Variants in AK1 observed in about 807,000 individuals in gnomAD.
AK1 encodes the protein adenylate kinase isoenzyme 1.
A neutral mutation model predicts 23.9 loss-of-function variants in AK1; 13 were observed. The ratio of observed to expected loss-of-function variants is 0.54; its 90% CI spans 0.35 to 0.86. AK1 has a LOEUF of 0.86. Among genes scored for constraint, AK1 ranks in the 40% least tolerant of loss-of-function variants. The pLI, the probability that AK1 is intolerant of heterozygous loss-of-function variation, is 0.01. For synonymous variants in AK1, 97 were observed against 102.8 expected, an observed-to-expected ratio of 0.94 and a Z score of 0.34; for missense variants, 214 against 255.1, an observed-to-expected ratio of 0.84 and a Z score of 1.10.
chr9:127,876,709 C>T (rs371085766), intron 1 of AK1, among the ~76,000 whole-genome samples: 3 of 151,208 alleles, frequency 2.0e-5, no homozygotes, highest in East Asian at 3.9e-4. Flanking sequence ...CCTGATGGCA[C>T]CTGCCACTTC....
Position 127,867,874 on chromosome 9 carries a change from T to C in AK1, c.*134A>G. On this transcript the variant is annotated 3_prime_UTR_variant, in exon 7 of 7. Transcript: ENST00000644144. ...AATTCCTTTAGTGCTCAGCTGTCCA[T>C]GAAAACAGGATAAGCGGCTTCCTCC... 1 of 846,066 alleles carries C rather than the reference T, an allele frequency of 1.2e-6. No individual in the cohort carries two copies. The highest frequency in any genetic ancestry group is 1.4e-5 in the South Asian group (1 of 69,198). The allele number at this position is 846,066 out of a possible 1,614,324, so 52.4% of individuals were successfully genotyped here. A position where few individuals can be genotyped will look rare whatever the true frequency, so the allele number is the denominator to read the frequency against.
chr9:127,876,604 C>T (rs1035444138), intron 1 of AK1, among the ~76,000 whole-genome samples: 1 of 152,154 alleles, frequency 6.6e-6, no homozygotes, highest in Non-Finnish European at 1.5e-5. Flanking sequence ...GGAGGGGGAG[C>T]GTCCTGGGCC....
chr9:127,879,043 C>T (rs546885394), upstream of AK1, among the ~76,000 whole-genome samples: 4 of 147,268 alleles, frequency 2.7e-5, no homozygotes, highest in Admixed American at 6.9e-5. Context: ...GGAAACATAA[C>T]GAGATCCCGT....
At chr9:127,874,716 C>CA in intron 1 of AK1, 67 bp from the exon 2 acceptor site, 1 of 1,505,388 alleles carries the variant, frequency 6.6e-7, no homozygotes, top group Non-Finnish European at 9.2e-7. Flanking sequence ...TCCACTAAGC[C>CA]ACACCCAAGG....
At chr9:127,873,964 G>A (rs1023517748) in intron 2 of AK1, 2 of 985,430 alleles carry the variant, frequency 2.0e-6, no homozygotes, top group Non-Finnish European at 2.4e-6. Flanking sequence ...CTGTCAAGAA[G>A]GGCTCCTCCT....
intron 5 of AK1, among the ~76,000 whole-genome samples, chr9:127,870,699 C>T (rs1421754962): frequency 2.0e-5 from 3 of 152,152 alleles, no homozygotes; most frequent in Non-Finnish European, 4.4e-5. Context: ...AGACACTTTC[C>T]TGAGGTCTTG....
chr9:127,873,301 C>T, intron 2 of AK1: 2 of 1,534,804 alleles, frequency 1.3e-6, no homozygotes, highest in South Asian at 2.4e-5. Context: ...AGGCAAAAGC[C>T]TAAAGGCTAA....
In AK1 at chr9:127,867,973, C is replaced by CG. The variant is rs770770312; in HGVS notation, c.*34dup. On this transcript the variant is annotated 3_prime_UTR_variant, in exon 7 of 7. Transcript: ENST00000644144. ...GACCTCGAATCAGGACGGGGTGGGG[C>CG]GGGGCTCTGAGCTGGGGAAGCGGCT... 3 of 1,607,210 alleles carry CG rather than the reference C, an allele frequency of 1.9e-6. No individual in the cohort carries two copies. In the East Asian group the frequency reaches 6.7e-5, roughly 36 times the overall value.
rs778785156 is a variant in AK1 at position 127,872,693 on chromosome 9, T to C, written c.204A>G (p.Pro68=). The C allele has an allele frequency of 9.3e-6, 15 of 1,613,884 alleles. No homozygotes were observed. Among genetic ancestry groups the C allele is most frequent in the South Asian group, 2.2e-5 (2 of 91,080 alleles). The change falls in exon 4 of 7, where the codon CCA becomes CCG. Residue 68 remains proline (P), a synonymous_variant. Coordinates refer to ENST00000644144, the MANE Select transcript of AK1 (RefSeq NM_000476.3). ...SEIMEKGQLV[P]LETVLDMLRD... Reference sequence around the variant, plus strand: ...CACCCCACCAGGGCCCACTCACCAGTGGAACCAGCTGCCCCTTCTCCATGA... The same window carrying C: ...CACCCCACCAGGGCCCACTCACCAGCGGAACCAGCTGCCCCTTCTCCATGA...
At chr9:127,869,954 T>C (rs1829349197) in intron 5 of AK1, among the ~76,000 whole-genome samples, 1 of 152,188 alleles carries the variant, frequency 6.6e-6, no homozygotes, top group Non-Finnish European at 1.5e-5. Context: ...AGTCTCCCTG[T>C]CAGGACAATG....
chr9:127,866,993 C>T lies in AK1; in HGVS notation c.*1015G>A, dbSNP rs1248415259. 1 of 151,756 alleles carries T rather than the reference C, an allele frequency of 6.6e-6. No individual in the cohort carries two copies. The highest frequency in any genetic ancestry group is 1.5e-5 in the Non-Finnish European group (1 of 68,126). The allele number at this position is 151,756 out of a possible 1,614,324, so 9.4% of individuals were successfully genotyped here. A position where few individuals can be genotyped will look rare whatever the true frequency, so the allele number is the denominator to read the frequency against. On this transcript the variant is annotated 3_prime_UTR_variant, in exon 7 of 7. Coordinates refer to ENST00000644144, the MANE Select transcript of AK1 (RefSeq NM_000476.3). ...CAGGTCTCACCCCTGACCATGACTCCCCCAATTCAATTTCTTTTTTTTTTT... is the reference window on the plus strand; with the variant it reads ...CAGGTCTCACCCCTGACCATGACTCTCCCAATTCAATTTCTTTTTTTTTTT...
intron 5 of AK1, chr9:127,869,444 A>G (rs1234304182): frequency 6.5e-6 from 1 of 152,838 alleles, no homozygotes; most frequent in African/African-American, 2.4e-5. Flanking sequence ...CCAGCTGTGT[A>G]ACCAAGAGGC....
At chr9:127,870,822 GC>G (rs1829382531) in intron 5 of AK1, among the ~76,000 whole-genome samples, 1 of 142,620 alleles carries the variant, frequency 7.0e-6, no homozygotes, top group African/African-American at 2.6e-5. Context: ...TGGGAATGGG[GC>G]ATGGGAATGG....
In AK1 at chr9:127,875,222, C is replaced by T. The variant is rs75715743; in HGVS notation, c.-32-573G>A. Among the ~76,000 whole-genome samples the T allele has an allele frequency of 3.0e-3, 461 of 152,080 alleles. 18 individuals carry two copies. In the East Asian group the frequency reaches 0.077, roughly 25 times the overall value. Reference sequence around the variant, plus strand: ...GCCCTTTACAGTTGTCAAAGTGAGGCGGTCCCAGGCTCTTCACCTCTACAG... The same window carrying T: ...GCCCTTTACAGTTGTCAAAGTGAGGTGGTCCCAGGCTCTTCACCTCTACAG... On this transcript the variant is annotated intron_variant, in intron 1 of 6. Transcript: ENST00000644144.
intron 2 of AK1, chr9:127,873,670 G>A: frequency 7.3e-7 from 1 of 1,370,166 alleles, no homozygotes; most frequent in Non-Finnish European, 9.4e-7. Context: ...CCTGCTGTTA[G>A]ATCCCAGCAA....
At position 127,874,257 on chromosome 9, in the gene AK1, A is replaced by T. The variant is rs572851802; in HGVS notation, c.7+354T>A. ...GGCCCACCCTCACTGGATGATAGGG[A>T]AACTGAGTCCCGGAGAGGTACGGGG... On this transcript the variant is annotated intron_variant, in intron 2 of 6. Transcript: ENST00000644144. 4 of 985,390 alleles carry T rather than the reference A, an allele frequency of 4.1e-6. No individual in the cohort carries two copies. In the South Asian group the frequency reaches 1.9e-4, roughly 46 times the overall value. 61.0% of individuals were successfully genotyped at this position (985,390 alleles called of 1,614,324 possible). A position where few individuals can be genotyped will look rare whatever the true frequency, so the allele number is the denominator to read the frequency against.
At chr9:127,869,769 C>A (rs550697045) in intron 5 of AK1, among the ~76,000 whole-genome samples, 11 of 152,332 alleles carry the variant, frequency 7.2e-5, no homozygotes, top group Admixed American at 5.2e-4. Flanking sequence ...GGTCACCCAC[C>A]CCCCATCATC....
chr9:127,878,981 G>A (rs1454078239), upstream of AK1, among the ~76,000 whole-genome samples: 1 of 152,052 alleles, frequency 6.6e-6, no homozygotes, highest in Non-Finnish European at 1.5e-5. Flanking sequence ...GGAGGACGAG[G>A]TGGGAGGATC....
At position 127,868,548 on chromosome 9, in the gene AK1, C is replaced by T. The variant is rs1019550821; in HGVS notation, c.325-36G>A. 6.4e-7 allele frequency: 1 copy of T among 1,553,436 alleles called. No homozygotes were observed. The highest frequency in any genetic ancestry group is 1.4e-5 in the African/African-American group (1 of 73,366). On this transcript the variant is annotated intron_variant, in intron 5 of 6. Coordinates refer to ENST00000644144, the MANE Select transcript of AK1 (RefSeq NM_000476.3). This position sits in a 1 kb window ranked among gnomAD's most constrained non-coding sequence, Gnocchi z 4.1. ...GCACCATGTCACAGGGACCCCATTC[C>T]TGCCCCCTAGGGCCATCTCCTCCCC...
Sources: allele counts gnomAD v4.1 joint callset (sites outside exome capture counted in the v4.1 genomes callset), GRCh38; gene constraint gnomAD v4.1.1; non-coding constraint Gnocchi (gnomAD v3.1); transcripts MANE v1.5; gene names NCBI Gene and HGNC (gene_info 2026-07-23, HGNC 2026-07-21).